The following NUP210L variants were observed in gnomAD, a reference collection of about 807,000 sequenced individuals.
The protein encoded by NUP210L is nuclear pore membrane glycoprotein 210-like.
A neutral mutation model predicts 208.5 loss-of-function variants in NUP210L; 74 were observed. That is an observed-to-expected ratio of 0.35 (90% CI 0.29 to 0.43). NUP210L has a LOEUF of 0.43. Among genes scored for constraint, NUP210L ranks in the 20% least tolerant of loss-of-function variants. The pLI is 1.00. For synonymous variants in NUP210L, 780 were observed against 816.9 expected, an observed-to-expected ratio of 0.95 and a Z score of 0.77; for missense variants, 1,843 against 2,289.4, an observed-to-expected ratio of 0.81 and a Z score of 3.98.
chr1:153,996,492 A>G (rs772671911), intron 37 of NUP210L, among the ~76,000 whole-genome samples: 2 of 147,890 alleles, frequency 1.4e-5, no homozygotes, highest in Non-Finnish European at 3.0e-5. Context: ...CACCATCTCA[A>G]CTCCCTGCAA....
chr1:154,023,421 T>C (rs1364084911), intron 30 of NUP210L, 124 bp from the exon 31 acceptor site: 1 of 731,204 alleles, frequency 1.4e-6, no homozygotes, highest in Non-Finnish European at 2.2e-6. Flanking sequence ...TAGCTTTTGA[T>C]GTGAGATGAC....
chr1:154,001,878 G>A (rs539977114), exon 36 of NUP210L: 24 of 1,614,004 alleles, frequency 1.5e-5, no homozygotes, highest in African/African-American at 4.0e-5. Context: ...TTCTTGCTAC[G>A]TTCACTGACC....
chr1:154,013,537 G>GAT (rs1398856893), intron 33 of NUP210L, among the ~76,000 whole-genome samples: 1 of 151,802 alleles, frequency 6.6e-6, no homozygotes, highest in East Asian at 1.9e-4. Context: ...TTGTGCCATT[G>GAT]TACTCCAGCC....
rs1406163124 is a variant in NUP210L at position 154,147,809 on chromosome 1, C to T, written c.341-4232G>A. The stretch of plus-strand genomic sequence containing the variant: ...TAGCTGGGATTACAGGCACACACCA[C>T]CATGCCTGGCTAATTTTTTGTATTT... On this transcript the variant is annotated intron_variant, in intron 2 of 39. Transcript: ENST00000368559. Among the ~76,000 whole-genome samples, 3 of 149,726 alleles carry T rather than the reference C, an allele frequency of 2.0e-5. No homozygotes were observed. The South Asian group carries it at 6.4e-4, about 32-fold the overall frequency.
intron 13 of NUP210L, among the ~76,000 whole-genome samples, chr1:154,101,282 C>A (rs1656460187): frequency 6.6e-6 from 1 of 151,880 alleles, no homozygotes. Context: ...TCGAGACCAG[C>A]CTGGCCAATA....
At chr1:154,125,919 C>T (rs1331793316) in intron 10 of NUP210L, among the ~76,000 whole-genome samples, 2 of 151,220 alleles carry the variant, frequency 1.3e-5, no homozygotes, top group Non-Finnish European at 3.0e-5. Flanking sequence ...AGGCGCCCGC[C>T]ACCGCGCCCG....
At chr1:154,151,788 TAAAAA>T in intron 2 of NUP210L, among the ~76,000 whole-genome samples, 1 of 151,874 alleles carries the variant, frequency 6.6e-6, no homozygotes. Flanking sequence ...ACCCTGTCTC[TAAAAA>T]AAGAGAAAAT....
At chr1:154,137,551 GA>G (rs71096513) in intron 6 of NUP210L, among the ~76,000 whole-genome samples, 129,804 of 135,256 alleles carry the variant, frequency 0.96, 62,381 homozygotes, top group East Asian at 1. Flanking sequence ...ACTACATCTA[GA>G]AAAAAAAAAA....
At chr1:154,134,074 T>C (rs1658389890) in intron 7 of NUP210L, among the ~76,000 whole-genome samples, 1 of 149,706 alleles carries the variant, frequency 6.7e-6, no homozygotes, top group Admixed American at 6.7e-5. Context: ...AACTCGAACC[T>C]GGGAGGCGGA....
chr1:154,015,722 A>C (rs1571170401), intron 33 of NUP210L, among the ~76,000 whole-genome samples: 1 of 144,360 alleles, frequency 6.9e-6, no homozygotes, highest in Non-Finnish European at 1.5e-5. Context: ...TCTGTCTCAA[A>C]ACACACACAC....
At position 154,027,572 on chromosome 1, in the gene NUP210L, T is replaced by C. The variant is rs1390487791; in HGVS notation, c.3881A>G (p.Tyr1294Cys). 2.5e-6 allele frequency: 4 copies of C among 1,613,474 alleles called. No individual in the cohort carries two copies. The East Asian group carries it at 6.7e-5, about 27-fold the overall frequency. Residue 1294 changes from tyrosine to cysteine, a missense_variant, in exon 29 of 40, where the codon TAT (tyrosine) becomes TGT (cysteine). This residue lies in a region of NUP210L where 781 missense variants were observed against 973.8 expected (regional missense o/e 0.80). Coordinates refer to ENST00000368559, the Ensembl canonical transcript of NUP210L. ...AATCTGCTCTGGTTGGCACTCTGGA[T>C]AGAAGAGTTGGAGTTTTTCAAACAC...
intron 10 of NUP210L, among the ~76,000 whole-genome samples, chr1:154,122,388 G>A (rs1264276877): frequency 6.6e-6 from 1 of 152,192 alleles, no homozygotes; most frequent in Non-Finnish European, 1.5e-5. Flanking sequence ...CCAGCGCGGT[G>A]GCTCACGCCT....
chr1:154,092,249 T>A (rs868489195), intron 15 of NUP210L, among the ~76,000 whole-genome samples: 32 of 148,816 alleles, frequency 2.2e-4, no homozygotes, highest in Middle Eastern at 3.6e-3. Context: ...CTAATTTTTT[T>A]TTTTTATTTT....
At chr1:154,045,917 G>A (rs2147970876) in intron 27 of NUP210L, 152 bp downstream of exon 27, 1 of 622,870 alleles carries the variant, frequency 1.6e-6, no homozygotes, top group East Asian at 3.1e-5. Flanking sequence ...CCTAGGAGGT[G>A]GAGGTTGCAG....
At chr1:154,085,674 T>C (rs967250961) in intron 16 of NUP210L, among the ~76,000 whole-genome samples, 3 of 152,086 alleles carry the variant, frequency 2.0e-5, no homozygotes, top group Non-Finnish European at 4.4e-5. Flanking sequence ...CAAAATAATA[T>C]TGAAAAAGAA....
intron 25 of NUP210L, among the ~76,000 whole-genome samples, chr1:154,051,817 C>G (rs1439669337): frequency 6.6e-6 from 1 of 152,234 alleles, no homozygotes; most frequent in African/African-American, 2.4e-5. Context: ...TAAACATCAC[C>G]TTTTGCAGTG....
intron 16 of NUP210L, among the ~76,000 whole-genome samples, chr1:154,083,135 C>T (rs969764012): frequency 1.3e-5 from 2 of 152,206 alleles, no homozygotes; most frequent in African/African-American, 4.8e-5. Flanking sequence ...CAGGTTGCCA[C>T]TGTCGGCTCG....
chr1:154,094,824 C>T (rs1656103077), intron 15 of NUP210L, 111 bp downstream of exon 15: 5 of 731,768 alleles, frequency 6.8e-6, no homozygotes, highest in Admixed American at 2.9e-5. Flanking sequence ...TTAGAATTTT[C>T]CTATTTAGTC....
At chr1:154,130,488 G>A (rs1038912363) in intron 7 of NUP210L, among the ~76,000 whole-genome samples, 3 of 151,998 alleles carry the variant, frequency 2.0e-5, no homozygotes, top group African/African-American at 7.2e-5. Context: ...GGCCAGGCTG[G>A]TCTCGAACTC....
Sources: gnomAD v4.1 joint callset for allele counts (sites outside exome capture counted in the v4.1 genomes callset) on GRCh38, gnomAD v4.1.1 for gene constraint, gnomAD v4.1.1 regional missense constraint, MANE v1.5 for transcripts, NCBI Gene and HGNC (gene_info 2026-07-23, HGNC 2026-07-21) for gene names.